Variants in HDAC9 observed in about 807,000 individuals in gnomAD.
HDAC9 encodes the protein MEF-2 interacting transcription repressor (MITR) protein.
In HDAC9, 41 loss-of-function variants were observed where a neutral mutation model predicts 139.4. The ratio of observed to expected loss-of-function variants is 0.29; its 90% CI spans 0.23 to 0.38. The LOEUF is 0.38. Ranked by LOEUF, HDAC9 falls within the 10% of genes least tolerant of loss-of-function variation. The pLI is 1.00. For synonymous variants in HDAC9, 517 were observed against 476.2 expected (o/e 1.09, Z -1.12); for missense variants, 1,147 against 1,297.0 (o/e 0.88, Z 1.78).
intron 2 of HDAC9, among the ~76,000 whole-genome samples, chr7:18,510,105 T>C (rs1033786092): frequency 2.6e-5 from 4 of 152,212 alleles, no homozygotes; most frequent in Non-Finnish European, 5.9e-5. Flanking sequence ...TAGACATTTT[T>C]GAGGTGTTAG....
At chr7:18,123,867 G>C (rs73315727) in intron 1 of HDAC9, among the ~76,000 whole-genome samples, 5,877 of 152,144 alleles carry the variant, frequency 0.039, 386 homozygotes, top group African/African-American at 0.13. Context: ...TTTAAGTCAG[G>C]GTTCTATAAA....
At chr7:18,765,809 T>G (rs935881196) in intron 15 of HDAC9, among the ~76,000 whole-genome samples, 1 of 152,196 alleles carries the variant, frequency 6.6e-6, no homozygotes, top group Admixed American at 6.5e-5. Flanking sequence ...AAAATTTTGA[T>G]GTGCCTTTTA....
intron 21 of HDAC9, among the ~76,000 whole-genome samples, chr7:18,859,821 T>C (rs1175335397): frequency 3.3e-5 from 3 of 89,878 alleles, no homozygotes; most frequent in Admixed American, 3.0e-4. Context: ...CATATATATA[T>C]ATATATATAT....
intron 14 of HDAC9, among the ~76,000 whole-genome samples, chr7:18,757,661 G>T (rs1218555707): frequency 6.6e-6 from 1 of 152,114 alleles, no homozygotes; most frequent in African/African-American, 2.4e-5. Flanking sequence ...TTGAACACAG[G>T]AGGGAAAGGA....
chr7:18,653,097 G>C (rs1789881352), intron 11 of HDAC9, among the ~76,000 whole-genome samples: 1 of 152,006 alleles, frequency 6.6e-6, no homozygotes, highest in African/African-American at 2.4e-5. Flanking sequence ...AATTAGCCGG[G>C]CGTGGTGGTG....
At chr7:18,247,884 C>A (rs1009301658) in intron 2 of HDAC9, among the ~76,000 whole-genome samples, 7 of 152,126 alleles carry the variant, frequency 4.6e-5, no homozygotes, top group African/African-American at 1.7e-4. Context: ...CAAAATAAAA[C>A]ACTTTTAAAA....
chr7:18,928,774 G>A (rs530909916), intron 22 of HDAC9, among the ~76,000 whole-genome samples: 5 of 151,870 alleles, frequency 3.3e-5, no homozygotes, highest in African/African-American at 4.8e-5. Flanking sequence ...ATTTCTGGTC[G>A]ATGGAACTAT....
At chr7:18,153,424 A>C (rs547590317) in intron 1 of HDAC9, among the ~76,000 whole-genome samples, 1 of 152,288 alleles carries the variant, frequency 6.6e-6, no homozygotes, top group East Asian at 1.9e-4. Context: ...GTAGCAGCCC[A>C]CGACCAGTCT....
At chr7:18,944,043 C>A (rs748595225) in intron 23 of HDAC9, among the ~76,000 whole-genome samples, 1 of 152,144 alleles carries the variant, frequency 6.6e-6, no homozygotes, top group Admixed American at 6.5e-5. Flanking sequence ...TCATGAATCA[C>A]AATTTGGATA....
intron 23 of HDAC9, among the ~76,000 whole-genome samples, chr7:18,948,385 A>G (rs999774751): frequency 6.6e-6 from 1 of 152,074 alleles, no homozygotes; most frequent in Non-Finnish European, 1.5e-5. Context: ...TTAATTAAAA[A>G]TCAGTGAAAA....
intron 1 of HDAC9, among the ~76,000 whole-genome samples, chr7:18,365,462 A>G (rs985665718): frequency 1.2e-4 from 19 of 152,134 alleles, no homozygotes; most frequent in Non-Finnish European, 2.4e-4. Flanking sequence ...CTGGCCTTGT[A>G]TGAAATTATT....
chr7:18,388,601 A>T lies in HDAC9; in HGVS notation c.-42+98086A>T, dbSNP rs150562139. The stretch of plus-strand genomic sequence containing the variant: ...GCTTCTAGTCAGTTCCGTGACCAGG[A>T]AACACATGAAAAGTTGTTCTAAATG... On this transcript the variant is annotated intron_variant, in intron 1 of 3. Coordinates refer to the HDAC9 transcript ENST00000413509. Among the ~76,000 whole-genome samples, 128 of 152,330 alleles carry T rather than the reference A, an allele frequency of 8.4e-4. 1 individual carries two copies. Among genetic ancestry groups the T allele is most frequent in the African/African-American group, 3.0e-3 (124 of 41,580 alleles).
At chr7:18,780,550 A>G (rs1430505763) in intron 16 of HDAC9, among the ~76,000 whole-genome samples, 1 of 152,012 alleles carries the variant, frequency 6.6e-6, no homozygotes, top group African/African-American at 2.4e-5. Flanking sequence ...GCACCAAAGG[A>G]AGCACCCAAT....
intron 1 of HDAC9, among the ~76,000 whole-genome samples, chr7:18,436,088 G>C (rs1040565210): frequency 6.6e-6 from 1 of 151,768 alleles, no homozygotes; most frequent in Non-Finnish European, 1.5e-5. Flanking sequence ...AAAGTACTGG[G>C]ATTACAGGCG....
intron 22 of HDAC9, among the ~76,000 whole-genome samples, chr7:18,882,388 A>G (rs975439857): frequency 1.3e-5 from 2 of 152,078 alleles, no homozygotes; most frequent in African/African-American, 4.8e-5. Context: ...TCTCCTTGTA[A>G]CAGTGGGCCT....
chr7:18,594,270 G>A (rs1831834597), intron 6 of HDAC9, among the ~76,000 whole-genome samples: 2 of 151,800 alleles, frequency 1.3e-5, no homozygotes, highest in African/African-American at 4.8e-5. Flanking sequence ...TTGAACTTTA[G>A]CCAAATTATT....
chr7:18,533,561 A>T (rs1380199311), intron 2 of HDAC9, among the ~76,000 whole-genome samples: 4 of 151,886 alleles, frequency 2.6e-5, no homozygotes, highest in Non-Finnish European at 5.9e-5. Flanking sequence ...TTTCCTTTGC[A>T]TTTGGCTTCC....
chr7:18,239,954 T>G lies in HDAC9; in HGVS notation c.25+77605T>G, dbSNP rs1454011681. On this transcript the variant is annotated intron_variant, in intron 2 of 12. Transcript: ENST00000417496. ...CCTTTCCTGTGATAGGTGCTGCATG[T>G]TTTTTTTTTTTTTTTTCTGGATAAT... Among the ~76,000 whole-genome samples the G allele has an allele frequency of 1.3e-4, 9 of 68,470 alleles. No homozygotes were observed. The South Asian group carries it at 5.3e-3, about 40-fold the overall frequency. 44.9% of individuals were successfully genotyped at this position (68,470 alleles called of 152,430 possible). A position where few individuals can be genotyped will look rare whatever the true frequency, so the allele number is the denominator to read the frequency against.
chr7:18,945,898 G>A (rs960883821), intron 23 of HDAC9, among the ~76,000 whole-genome samples: 4 of 151,702 alleles, frequency 2.6e-5, no homozygotes, highest in East Asian at 1.9e-4. Flanking sequence ...TTAGCTGGGC[G>A]TGGTGGTGCG....
Sources: gnomAD v4.1 joint callset for allele counts (sites outside exome capture counted in the v4.1 genomes callset) on GRCh38, gnomAD v4.1.1 for gene constraint, MANE v1.5 for transcripts, NCBI Gene and HGNC (gene_info 2026-07-23, HGNC 2026-07-21) for gene names.